The following GPD2 variants were observed in gnomAD, a reference collection of about 807,000 sequenced individuals.
The protein encoded by GPD2 is glycerol-3-phosphate dehydrogenase, mitochondrial.
GPD2 carries 54 observed loss-of-function variants against 82.4 expected under a neutral mutation model. The observed-to-expected ratio is 0.66, with a 90% CI of 0.53 to 0.82. GPD2 has a LOEUF of 0.82. Among genes scored for constraint, GPD2 ranks in the 40% least tolerant of loss-of-function variants. GPD2 has a pLI of 0.00. For missense variants in GPD2, 748 were observed against 896.2 expected, an observed-to-expected ratio of 0.83 and a Z score of 2.11; for synonymous variants, 288 against 306.1, an observed-to-expected ratio of 0.94 and a Z score of 0.62.
At chr2:156,446,932 A>G (rs1682388352) in intron 1 of GPD2, among the ~76,000 whole-genome samples, 1 of 152,148 alleles carries the variant, frequency 6.6e-6, no homozygotes, top group Non-Finnish European at 1.5e-5. Flanking sequence ...TCATTTTTAT[A>G]TCTGAATCCA....
At chr2:156,511,669 C>T (rs914410102) in intron 4 of GPD2, among the ~76,000 whole-genome samples, 1 of 152,144 alleles carries the variant, frequency 6.6e-6, no homozygotes, top group African/African-American at 2.4e-5. Context: ...CTTATTTACT[C>T]AAAATCTATG....
Position 156,571,203 on chromosome 2 carries a change from T to C in GPD2, c.1678T>C (p.Phe560Leu). 1 of 1,609,682 alleles carries C rather than the reference T, an allele frequency of 6.2e-7. No individual in the cohort carries two copies. Among genetic ancestry groups the C allele is most frequent in the African/African-American group, 1.3e-5 (1 of 74,932 alleles). ...GATTTCACGTCGTACTCGCCTGGCC[T>C]TTCTAAATGTCCAGGCAGCAGAGGA... is the stretch of plus-strand genomic sequence containing the variant. ...DMISRRTRLA[F>L]LNVQAAEEAL... Residue 560 changes from phenylalanine to leucine, a missense_variant, in exon 13 of 17, where the codon TTT (phenylalanine) becomes CTT (leucine). By Grantham distance (22) the Phe-to-Leu change is conservative. Around this residue, in one of 3 missense-constraint regions of GPD2, gnomAD observed 692 missense variants for 809.7 expected, o/e 0.85. Coordinates refer to ENST00000438166, the MANE Select transcript of GPD2 (RefSeq NM_000408.5).
chr2:156,515,445 A>G (rs1174562683), intron 6 of GPD2, among the ~76,000 whole-genome samples: 1 of 152,076 alleles, frequency 6.6e-6, no homozygotes, highest in African/African-American at 2.4e-5. Context: ...ATCCTGTTTT[A>G]CATTGGTTTG....
intron 1 of GPD2, among the ~76,000 whole-genome samples, chr2:156,447,870 A>G (rs1177831582): frequency 2.0e-5 from 3 of 152,118 alleles, no homozygotes; most frequent in Admixed American, 6.5e-5. Flanking sequence ...TGCTTTTTCA[A>G]CAAGTTCATC....
chr2:156,421,546 C>T, the GPD2 span, among the ~76,000 whole-genome samples: 1 of 152,060 alleles, frequency 6.6e-6, no homozygotes, highest in Non-Finnish European at 1.5e-5. Context: ...CAGCTCTTTA[C>T]AGTCTGCTAA....
the GPD2 span, among the ~76,000 whole-genome samples, chr2:156,425,739 G>T: frequency 6.6e-6 from 1 of 152,174 alleles, no homozygotes; most frequent in African/African-American, 2.4e-5. Flanking sequence ...ATTTGCCACA[G>T]ACCCCACCAC....
intron 15 of GPD2, 59 bp downstream of exon 15, chr2:156,579,223 G>GAGAAAAACATCTAA: frequency 1.0e-6 from 1 of 977,102 alleles, no homozygotes; most frequent in Non-Finnish European, 1.7e-6. Context: ...AATATTAGAT[G>GAGAAAAACATCTAA]TTTTTCTCAT....
At chr2:156,404,590 C>G in the GPD2 span, among the ~76,000 whole-genome samples, 1 of 150,488 alleles carries the variant, frequency 6.6e-6, no homozygotes, top group Non-Finnish European at 1.5e-5. Context: ...CCTATAATCC[C>G]AGCACTTTGG....
At chr2:156,405,201 G>A in the GPD2 span, among the ~76,000 whole-genome samples, 2 of 152,186 alleles carry the variant, frequency 1.3e-5, no homozygotes, top group Non-Finnish European at 2.9e-5. Context: ...TCTACCTTAC[G>A]TGCTTGATAG....
chr2:156,535,967 C>G (rs1240932263), intron 6 of GPD2, among the ~76,000 whole-genome samples: 1 of 152,214 alleles, frequency 6.6e-6, no homozygotes, highest in Non-Finnish European at 1.5e-5. Context: ...TTAGGCTTAG[C>G]TCTCCTCACC....
intron 1 of GPD2, among the ~76,000 whole-genome samples, chr2:156,453,710 C>G (rs1241938237): frequency 6.6e-6 from 1 of 152,042 alleles, no homozygotes; most frequent in African/African-American, 2.4e-5. Flanking sequence ...AACCATGGCT[C>G]TACTAAAGAT....
chr2:156,579,023 C>T (rs772017610), intron 14 of GPD2, 22 bp downstream of exon 14: 5 of 1,549,174 alleles, frequency 3.2e-6, no homozygotes, highest in Non-Finnish European at 4.5e-6. Context: ...AAGTGTCTAT[C>T]TATCTCTCTT....
chr2:156,535,382 A>G (rs1264726784), intron 6 of GPD2, among the ~76,000 whole-genome samples: 1 of 65,016 alleles, frequency 1.5e-5, no homozygotes, highest in Non-Finnish European at 3.8e-5. Flanking sequence ...AGAAAGAGAA[A>G]AAGACCTGGG....
At chr2:156,441,639 A>G (rs1006167670) in intron 1 of GPD2, among the ~76,000 whole-genome samples, 1 of 152,214 alleles carries the variant, frequency 6.6e-6, no homozygotes, top group African/African-American at 2.4e-5. Flanking sequence ...ATGGGGTTGT[A>G]GGAACCCCTG....
chr2:156,409,611 G>C, the GPD2 span, among the ~76,000 whole-genome samples: 1 of 152,038 alleles, frequency 6.6e-6, no homozygotes, highest in Non-Finnish European at 1.5e-5. Context: ...GAGGTGGGAG[G>C]ATCACTTGAG....
chr2:156,485,466 G>T (rs1446864132), intron 2 of GPD2, among the ~76,000 whole-genome samples: 1 of 152,194 alleles, frequency 6.6e-6, no homozygotes, highest in Non-Finnish European at 1.5e-5. Context: ...AAATGATCAT[G>T]CCTCATCCAT....
At chr2:156,452,160 G>T (rs1178015510) in intron 1 of GPD2, among the ~76,000 whole-genome samples, 3 of 152,224 alleles carry the variant, frequency 2.0e-5, no homozygotes, top group Admixed American at 1.3e-4. Context: ...GTGGCGGCCG[G>T]GCAGAGGCTG....
chr2:156,529,745 T>C (rs1322403291), intron 6 of GPD2, among the ~76,000 whole-genome samples: 7 of 151,208 alleles, frequency 4.6e-5, no homozygotes, highest in Non-Finnish European at 1.0e-4. Flanking sequence ...GATCAGATAG[T>C]TGTAGATATG....
the GPD2 span, among the ~76,000 whole-genome samples, chr2:156,402,517 G>A: frequency 6.6e-6 from 1 of 152,148 alleles, no homozygotes; most frequent in Non-Finnish European, 1.5e-5. Context: ...TGAAAGAAAT[G>A]GGGGAGAAAT....
Sources: gnomAD v4.1 joint callset for allele counts (sites outside exome capture counted in the v4.1 genomes callset) on GRCh38, gnomAD v4.1.1 for gene constraint, gnomAD v4.1.1 regional missense constraint, MANE v1.5 for transcripts, NCBI Gene and HGNC (gene_info 2026-07-23, HGNC 2026-07-21) for gene names.